Variants in SLC12A3 observed in about 807,000 individuals in gnomAD.
SLC12A3 encodes the protein solute carrier family 12 member 3, also known as Na-Cl cotransporter.
In SLC12A3, 104 loss-of-function variants were observed where a neutral mutation model predicts 121.0. The ratio of observed to expected loss-of-function variants is 0.86; its 90% CI spans 0.73 to 1.01. The LOEUF is 1.01. Among genes scored for constraint, SLC12A3 ranks in the 50% least tolerant of loss-of-function variants. The pLI is 0.00. For synonymous variants in SLC12A3, 536 were observed against 533.4 expected (o/e 1.00, Z -0.07); for missense variants, 1,328 against 1,356.3 (o/e 0.98, Z 0.33).
At chr16:56,882,283 G>A (rs1225801067) in intron 12 of SLC12A3, 113 bp from the exon 13 acceptor site, 2 of 820,534 alleles carry the variant, frequency 2.4e-6, no homozygotes, top group East Asian at 4.9e-5. Context: ...GGTTGAGACT[G>A]ACTGAGCCTT....
At chr16:56,893,122 C>T (rs2055413253) in intron 21 of SLC12A3, 68 bp downstream of exon 21, 4 of 1,305,100 alleles carry the variant, frequency 3.1e-6, no homozygotes, top group Non-Finnish European at 4.3e-6. Flanking sequence ...TTCCTTCCTT[C>T]TCCTTCCTGG....
chr16:56,868,301 G>C lies in SLC12A3; in HGVS notation c.434G>C (p.Arg145Pro). 1 of 1,613,988 alleles carries C rather than the reference G, an allele frequency of 6.2e-7. No homozygotes were observed. The highest frequency in any genetic ancestry group is 1.1e-5 in the South Asian group (1 of 90,986). ...RFGWVKGVMI[R>P]CMLNIWGVIL... ...CTGACCCCCCTGTCCTCCCAGATTC[G>C]TTGCATGCTCAACATTTGGGGCGTG... is the stretch of plus-strand genomic sequence containing the variant. Residue 145 changes from arginine (R) to proline (P), a missense_variant, in exon 3 of 26, where the codon CGT becomes CCT. Coordinates refer to ENST00000563236, the MANE Select transcript of SLC12A3 (RefSeq NM_001126108.2).
In SLC12A3 at chr16:56,890,295, T is replaced by C. The variant is rs751234942; in HGVS notation, c.2307T>C (p.Tyr769=). 8.1e-6 allele frequency: 13 copies of C among 1,614,028 alleles called. No individual in the cohort carries two copies. The highest frequency in any genetic ancestry group is 1.6e-4 in the Middle Eastern group (1 of 6,082). The part of the protein sequence containing the change: ...GILHDAFDFN[Y]GVCVMRMREG... The stretch of plus-strand genomic sequence containing the variant: ...CCAGTGATGCCTTTGATTTCAACTA[T>C]GGCGTGTGTGTCATGAGGATGCGGG... Residue 769 remains tyrosine (Y), a synonymous_variant, in exon 19 of 26, where the codon TAT becomes TAC. Coordinates refer to ENST00000563236, the MANE Select transcript of SLC12A3 (RefSeq NM_001126108.2).
At position 56,878,075 on chromosome 16, in the gene SLC12A3, A is replaced by G. The variant is rs2055189357; in HGVS notation, c.1096-2A>G. 9.3e-7 allele frequency: 1 copy of G among 1,073,460 alleles called. No homozygotes were observed. The highest frequency in any genetic ancestry group is 1.2e-6 in the Non-Finnish European group (1 of 838,142). The allele number at this position is 1,073,460 out of a possible 1,614,324, so 66.5% of individuals were successfully genotyped here. A position where few individuals can be genotyped will look rare whatever the true frequency, so the allele number is the denominator to read the frequency against. On this transcript the variant is annotated splice_acceptor_variant, in intron 8 of 25. Transcript: ENST00000563236. LOFTEE classifies it high-confidence loss of function. ...CCCTCCCTCTCTCCCTCCCTCCTTC[A>G]GGACCCTGCTATAGCCATCCCCAAG... is the stretch of plus-strand genomic sequence containing the variant.
chr16:56,894,958 A>T (rs1424069740), intron 22 of SLC12A3, among the ~76,000 whole-genome samples: 1 of 152,138 alleles, frequency 6.6e-6, no homozygotes, highest in Non-Finnish European at 1.5e-5. Context: ...AAGCATAAAA[A>T]TAAGAAAGAA....
At chr16:56,910,210 G>A (rs7186360) in intron 25 of SLC12A3, among the ~76,000 whole-genome samples, 26,525 of 152,098 alleles carry the variant, frequency 0.17, 2,670 homozygotes, top group African/African-American at 0.27. Flanking sequence ...ATCTCACTCT[G>A]TCACCCAGGC....
At chr16:56,867,361 T>C (rs1567425200) in intron 2 of SLC12A3, 145 bp downstream of exon 2, 1 of 856,376 alleles carries the variant, frequency 1.2e-6, no homozygotes, top group African/African-American at 1.7e-5. Flanking sequence ...AATAGATCAA[T>C]AGACAATAGA....
In SLC12A3 at chr16:56,882,506, A is replaced by G; in HGVS notation, c.1669+9A>G. The G allele has an allele frequency of 6.2e-7, 1 of 1,607,428 alleles. No homozygotes were observed. Among genetic ancestry groups the G allele is most frequent in the Non-Finnish European group, 8.5e-7 (1 of 1,174,010 alleles). ...CATCACCAACTCGCCTGGTAAGCAA[A>G]CCCTTCACCCACCTCAGGAGGAGGC... On this transcript the variant is annotated intron_variant, in intron 13 of 25. Coordinates refer to ENST00000563236, the MANE Select transcript of SLC12A3 (RefSeq NM_001126108.2).
chr16:56,903,148 CA>C (rs34955209), intron 24 of SLC12A3, among the ~76,000 whole-genome samples: 1,207 of 119,064 alleles, frequency 0.01, 4 homozygotes, highest in Admixed American at 0.017. Context: ...GACTCCGTCT[CA>C]AAAAAAAAAA....
intron 17 of SLC12A3, 124 bp downstream of exon 17, chr16:56,887,217 T>C: frequency 8.4e-7 from 1 of 1,195,194 alleles, no homozygotes; most frequent in Non-Finnish European, 1.2e-6. Flanking sequence ...CAACTTTTTT[T>C]TTTTGAGACT....
chr16:56,886,482 G>A lies in SLC12A3; in HGVS notation c.2037+7G>A. The A allele has an allele frequency of 6.2e-7, 1 of 1,609,064 alleles. No individual in the cohort carries two copies. Among genetic ancestry groups the A allele is most frequent in the Non-Finnish European group, 8.5e-7 (1 of 1,175,724 alleles). On this transcript the variant is annotated splice_region_variant and intron_variant, in intron 16 of 25. Transcript: ENST00000563236. ...CTGTGGCCACGTGCTCATCGTGAGT[G>A]GCCCCTGGAGGGGCACAGGGGACCA...
Position 56,879,101 on chromosome 16 carries a change from G to A in SLC12A3, c.1209G>A (p.Gly403=), listed in dbSNP as rs370131919. The A allele has an allele frequency of 6.2e-7, 1 of 1,613,038 alleles. No homozygotes were observed. Among genetic ancestry groups the A allele is most frequent in the South Asian group, 1.1e-5 (1 of 90,894 alleles). Residue 403 remains glycine (G), a synonymous_variant, in exon 10 of 26, where the codon GGG becomes GGA. Transcript: ENST00000563236. ...CCTGCGTGGTGCGTGATGCCTCTGG[G>A]GTCCTGAATGACACAGTGACCCCTG... is the stretch of plus-strand genomic sequence containing the variant. ...IGSCVVRDAS[G]VLNDTVTPGW...
At chr16:56,873,374 CTTTTTTTTTTT>C (rs59478629) in intron 8 of SLC12A3, among the ~76,000 whole-genome samples, 1,388 of 75,458 alleles carry the variant, frequency 0.018, 24 homozygotes, top group African/African-American at 0.067. Flanking sequence ...CTCTTTCTTT[CTTTTTTTTTTT>C]TTTTTTTTTT....
In SLC12A3 at chr16:56,885,215, T is replaced by C. The variant is rs562398714; in HGVS notation, c.1826-50T>C. On this transcript the variant is annotated intron_variant, in intron 14 of 25. Coordinates refer to ENST00000563236, the MANE Select transcript of SLC12A3 (RefSeq NM_001126108.2). ...GTCCCTCCACGTGTCTGGTTTCCTCTAGTGATTCCTAACTCTGCTCTCACC... is the reference window on the plus strand; with the variant it reads ...GTCCCTCCACGTGTCTGGTTTCCTCCAGTGATTCCTAACTCTGCTCTCACC... 153 of 1,120,210 alleles carry C rather than the reference T, an allele frequency of 1.4e-4. 1 individual carries two copies. The South Asian group carries it at 1.9e-3, about 14-fold the overall frequency. The allele number at this position is 1,120,210 out of a possible 1,614,324, so 69.4% of individuals were successfully genotyped here. A position where few individuals can be genotyped will look rare whatever the true frequency, so the allele number is the denominator to read the frequency against.
intron 22 of SLC12A3, among the ~76,000 whole-genome samples, chr16:56,897,822 C>T (rs1182523462): frequency 6.6e-6 from 1 of 152,226 alleles, no homozygotes; most frequent in African/African-American, 2.4e-5. Context: ...AATCCTGGGG[C>T]AAGTCTATGC....
At chr16:56,876,994 C>A (rs79844654) in intron 8 of SLC12A3, among the ~76,000 whole-genome samples, 2,262 of 152,338 alleles carry the variant, frequency 0.015, 48 homozygotes, top group East Asian at 0.087. Context: ...TCCCCACCAG[C>A]TGAGCAGGGG....
At chr16:56,903,767 G>GT (rs3838870) in intron 24 of SLC12A3, among the ~76,000 whole-genome samples, 51,204 of 152,048 alleles carry the variant, frequency 0.34, 9,814 homozygotes, top group African/African-American at 0.53. Context: ...TCCCACGCAA[G>GT]TTTGGGGACT....
intron 12 of SLC12A3, 62 bp from the exon 13 acceptor site, chr16:56,882,334 C>A: frequency 7.0e-7 from 1 of 1,420,772 alleles, no homozygotes; most frequent in Non-Finnish European, 1.0e-6. Context: ...AAGGAGGGTG[C>A]CAAGCCAGTC....
chr16:56,899,695 C>T (rs2055512632), intron 23 of SLC12A3, 79 bp downstream of exon 23: 1 of 1,001,574 alleles, frequency 1.0e-6, no homozygotes, highest in Non-Finnish European at 1.6e-6. Context: ...CCCCCTTTTT[C>T]CTTGGTAGAC....
Sources: gnomAD v4.1 joint callset for allele counts (sites outside exome capture counted in the v4.1 genomes callset) on GRCh38, gnomAD v4.1.1 for gene constraint, MANE v1.5 for transcripts, NCBI Gene and HGNC (gene_info 2026-07-23, HGNC 2026-07-21) for gene names.